COXFA4: variants seen among roughly 807,000 people sequenced by gnomAD.
COXFA4 encodes cytochrome c oxidase subunit FA4.
chr7:10,939,467 A>G, the COXFA4 span: 1 of 179,186 alleles, frequency 5.6e-6, no homozygotes, highest in Admixed American at 5.3e-5. Flanking sequence ...TCTACAGCAC[A>G]TTGATGTGCT....
the COXFA4 span, chr7:10,933,155 T>C: frequency 6.3e-6 from 1 of 157,982 alleles, no homozygotes; most frequent in Non-Finnish European, 1.4e-5. Context: ...GTAAAAACCA[T>C]TGTTAAAAAC....
chr7:10,937,290 GTT>G, the COXFA4 span, among the ~76,000 whole-genome samples: 1 of 144,946 alleles, frequency 6.9e-6, no homozygotes. Context: ...GGTTTTTTGG[GTT>G]TTTTTTTTTA....
chr7:10,939,985 G>A, the COXFA4 span: 3 of 1,613,352 alleles, frequency 1.9e-6, no homozygotes, highest in African/African-American at 2.7e-5. Context: ...AAGGACAAGG[G>A]AAAACATTAG....
At chr7:10,938,247 T>A in the COXFA4 span, 2 of 1,016,548 alleles carry the variant, frequency 2.0e-6, no homozygotes, top group African/African-American at 3.2e-5. Context: ...TATTTTCTAT[T>A]AGATGAGGTA....
At chr7:10,938,629 T>A in the COXFA4 span, 1 of 560,486 alleles carries the variant, frequency 1.8e-6, no homozygotes, top group East Asian at 3.1e-5. Flanking sequence ...TCAGAGAAAT[T>A]AGATAATTTC....
At chr7:10,938,203 T>C in the COXFA4 span, 1 of 1,461,076 alleles carries the variant, frequency 6.8e-7, no homozygotes, top group Non-Finnish European at 9.6e-7. Context: ...TTTAGTGTTT[T>C]GTACTAAGAA....
chr7:10,936,228 T>A, the COXFA4 span, among the ~76,000 whole-genome samples: 1 of 152,230 alleles, frequency 6.6e-6, no homozygotes, highest in Non-Finnish European at 1.5e-5. Context: ...AACATGACAC[T>A]CTTCATCTTT....
the COXFA4 span, among the ~76,000 whole-genome samples, chr7:10,935,692 A>G: frequency 6.6e-6 from 1 of 152,140 alleles, no homozygotes; most frequent in Non-Finnish European, 1.5e-5. Context: ...GGCCCTCATG[A>G]GGAACAGAAT....
chr7:10,933,572 A>C, the COXFA4 span: 1 of 1,309,032 alleles, frequency 7.6e-7, no homozygotes, highest in Non-Finnish European at 1.1e-6. Context: ...TAAGTGGAAA[A>C]TTGTGCGGAT....
chr7:10,936,640 A>G, the COXFA4 span, among the ~76,000 whole-genome samples: 3 of 152,178 alleles, frequency 2.0e-5, no homozygotes, highest in African/African-American at 7.2e-5. Context: ...TAGCCATTGC[A>G]TTTTTATTTT....
the COXFA4 span, chr7:10,938,828 T>A: frequency 1.2e-6 from 2 of 1,613,512 alleles, no homozygotes; most frequent in Admixed American, 3.3e-5. Flanking sequence ...GATTGAACAA[T>A]GCCAGACGCA....
At chr7:10,937,985 T>C in the COXFA4 span, 1 of 901,120 alleles carries the variant, frequency 1.1e-6, no homozygotes. Context: ...TAAAGTTCAA[T>C]ATAATGGAAT....
At chr7:10,935,574 C>T in the COXFA4 span, among the ~76,000 whole-genome samples, 1 of 152,190 alleles carries the variant, frequency 6.6e-6, no homozygotes, top group South Asian at 2.1e-4. Flanking sequence ...TATTTGGAGG[C>T]TGGGCCTTTG....
the COXFA4 span, among the ~76,000 whole-genome samples, chr7:10,935,211 T>A: frequency 6.6e-6 from 1 of 152,264 alleles, no homozygotes; most frequent in Non-Finnish European, 1.5e-5. Context: ...AGCAGGCTCC[T>A]GATTTACTTG....
chr7:10,936,695 A>C, the COXFA4 span, among the ~76,000 whole-genome samples: 2 of 152,166 alleles, frequency 1.3e-5, no homozygotes, highest in African/African-American at 4.8e-5. Context: ...GCCAAATTAT[A>C]ATCAGGTTAA....
At chr7:10,938,851 T>C in the COXFA4 span, 1 of 1,613,826 alleles carries the variant, frequency 6.2e-7, no homozygotes, top group South Asian at 1.1e-5. Flanking sequence ...AGATACAGTG[T>C]TGCTCCAGTA....
chr7:10,932,567 T>A, the COXFA4 span: 1 of 152,260 alleles, frequency 6.6e-6, no homozygotes, highest in African/African-American at 2.4e-5. Flanking sequence ...CCAAAATTAA[T>A]GTCACTGAAT....
At chr7:10,935,970 G>C in the COXFA4 span, among the ~76,000 whole-genome samples, 1 of 152,130 alleles carries the variant, frequency 6.6e-6, no homozygotes. Context: ...AAAGAACGGA[G>C]GGACCACATA....
the COXFA4 span, chr7:10,938,714 T>A: frequency 1.1e-6 from 1 of 872,526 alleles, no homozygotes; most frequent in East Asian, 2.4e-5. Context: ...TGTAACATTC[T>A]TTCTACTACC....
Sources: allele counts gnomAD v4.1 joint callset (sites outside exome capture counted in the v4.1 genomes callset), GRCh38; gene constraint gnomAD v4.1.1; transcripts MANE v1.5; gene names NCBI Gene and HGNC (gene_info 2026-07-23, HGNC 2026-07-21).